FMN2: variants seen among roughly 807,000 people sequenced by gnomAD.
The protein encoded by FMN2 is formin-2.
FMN2 carries 51 observed loss-of-function variants against 142.3 expected under a neutral mutation model. That is an observed-to-expected ratio of 0.36 (90% CI 0.29 to 0.45). FMN2 has a LOEUF of 0.45. Among genes scored for constraint, FMN2 ranks in the 20% least tolerant of loss-of-function variants. The pLI is 1.00. For synonymous variants in FMN2, 882 were observed against 869.8 expected (o/e 1.01, Z -0.25); for missense variants, 1,936 against 2,122.8 (o/e 0.91, Z 1.73).
chr1:240,451,674 G>A (rs1572329953), intron 16 of FMN2, among the ~76,000 whole-genome samples: 1 of 152,088 alleles, frequency 6.6e-6, no homozygotes. Context: ...GAGTCACTGG[G>A]AGTAGAACTA....
intron 14 of FMN2, among the ~76,000 whole-genome samples, chr1:240,378,366 G>T (rs1428958155): frequency 1.3e-5 from 2 of 152,078 alleles, no homozygotes; most frequent in African/African-American, 4.8e-5. Flanking sequence ...GGCCAGGCTG[G>T]TCTTGAACTC....
At chr1:240,353,165 A>T (rs1466155523) in intron 13 of FMN2, among the ~76,000 whole-genome samples, 1 of 152,186 alleles carries the variant, frequency 6.6e-6, no homozygotes, top group Admixed American at 6.5e-5. Flanking sequence ...TTTATCTTAC[A>T]CTTCCTTAGG....
At chr1:240,203,050 A>C (rs538586572) in intron 4 of FMN2, among the ~76,000 whole-genome samples, 1 of 152,222 alleles carries the variant, frequency 6.6e-6, no homozygotes, top group East Asian at 1.9e-4. Context: ...AGTATGCTGG[A>C]AAAACGAAAA....
chr1:240,385,362 G>A (rs1051612487), intron 14 of FMN2, among the ~76,000 whole-genome samples: 5 of 152,176 alleles, frequency 3.3e-5, no homozygotes, highest in African/African-American at 7.2e-5. Flanking sequence ...TAGTAAGTAT[G>A]TATGCTTCAT....
At chr1:240,443,751 T>C (rs1201288418) in intron 16 of FMN2, among the ~76,000 whole-genome samples, 4 of 149,538 alleles carry the variant, frequency 2.7e-5, no homozygotes, top group Non-Finnish European at 6.0e-5. Context: ...AGACTCAGTC[T>C]CAAAAAAAAA....
intron 8 of FMN2, among the ~76,000 whole-genome samples, chr1:240,313,893 G>A (rs1670677307): frequency 6.6e-6 from 1 of 152,030 alleles, no homozygotes. Flanking sequence ...AGAATTGCTT[G>A]AACCCAAGAG....
intron 7 of FMN2, among the ~76,000 whole-genome samples, chr1:240,270,085 A>G (rs1417592694): frequency 3.3e-5 from 5 of 152,188 alleles, no homozygotes; most frequent in Admixed American, 3.3e-4. Flanking sequence ...ATGTGGTGAG[A>G]GTAGGCGTCC....
intron 13 of FMN2, among the ~76,000 whole-genome samples, chr1:240,349,457 A>G (rs1240790591): frequency 6.6e-6 from 1 of 152,012 alleles, no homozygotes; most frequent in Non-Finnish European, 1.5e-5. Context: ...CATTGATTGA[A>G]CTTGTAGACT....
intron 6 of FMN2, among the ~76,000 whole-genome samples, chr1:240,215,118 C>T (rs1029293340): frequency 3.3e-5 from 5 of 152,062 alleles, no homozygotes. Context: ...AGAGAATTTA[C>T]TTGGGAGTGA....
chr1:240,281,811 T>G (rs1353659270), intron 7 of FMN2, among the ~76,000 whole-genome samples: 1 of 152,176 alleles, frequency 6.6e-6, no homozygotes, highest in African/African-American at 2.4e-5. Context: ...GTAGAGCAAT[T>G]TATACACTGA....
At chr1:240,397,785 CA>C (rs35826717) in intron 15 of FMN2, among the ~76,000 whole-genome samples, 275 of 46,786 alleles carry the variant, frequency 5.9e-3, no homozygotes, top group South Asian at 0.04. Context: ...GACTCCTTCT[CA>C]AAAAAAAAAA....
At chr1:240,258,772 ATAGAG>A (rs1256857955) in intron 7 of FMN2, among the ~76,000 whole-genome samples, 1 of 152,196 alleles carries the variant, frequency 6.6e-6, no homozygotes, top group African/African-American at 2.4e-5. Context: ...CCAAAGGTGA[ATAGAG>A]TAATGAAGTG....
chr1:240,135,511 C>G (rs1162151193), intron 2 of FMN2, among the ~76,000 whole-genome samples: 2 of 151,946 alleles, frequency 1.3e-5, no homozygotes, highest in African/African-American at 4.8e-5. Context: ...AAAAAATTGC[C>G]TCGTATGGGG....
At chr1:240,124,417 G>A (rs1325328162) in intron 2 of FMN2, among the ~76,000 whole-genome samples, 1 of 152,162 alleles carries the variant, frequency 6.6e-6, no homozygotes, top group Non-Finnish European at 1.5e-5. Flanking sequence ...CACCAAGAGA[G>A]TTAATACTGT....
chr1:240,153,954 G>A (rs1164364829), intron 2 of FMN2, among the ~76,000 whole-genome samples: 1 of 151,432 alleles, frequency 6.6e-6, no homozygotes, highest in Non-Finnish European at 1.5e-5. Flanking sequence ...TGCCTCTACT[G>A]AAAATACAAA....
intron 1 of FMN2, among the ~76,000 whole-genome samples, chr1:240,116,566 T>G (rs1414912630): frequency 6.6e-6 from 1 of 151,952 alleles, no homozygotes; most frequent in Admixed American, 6.6e-5. Flanking sequence ...AACAGTGAAA[T>G]TTTTCTGAAA....
chr1:240,251,451 T>C (rs1668275725), intron 6 of FMN2, among the ~76,000 whole-genome samples: 1 of 152,212 alleles, frequency 6.6e-6, no homozygotes, highest in Non-Finnish European at 1.5e-5. Flanking sequence ...TGATATGATT[T>C]CGATATTTAA....
chr1:240,261,007 G>T (rs1032573435), intron 7 of FMN2, among the ~76,000 whole-genome samples: 2 of 152,136 alleles, frequency 1.3e-5, no homozygotes, highest in Non-Finnish European at 2.9e-5. Context: ...GTTGAATAAA[G>T]TGTCCCTTCC....
intron 6 of FMN2, among the ~76,000 whole-genome samples, chr1:240,252,843 C>T (rs557819476): frequency 1.1e-3 from 165 of 151,656 alleles, no homozygotes; most frequent in South Asian, 5.2e-3. Context: ...AGCTATTGTT[C>T]CACTAAGTAG....
Sources: allele counts gnomAD v4.1 joint callset (sites outside exome capture counted in the v4.1 genomes callset), GRCh38; gene constraint gnomAD v4.1.1; transcripts MANE v1.5; gene names NCBI Gene and HGNC (gene_info 2026-07-23, HGNC 2026-07-21).